Variants in ZFX observed in about 807,000 individuals in gnomAD.
ZFX encodes the protein zinc finger X-chromosomal protein.
For synonymous variants in ZFX, 196 were observed against 226.8 expected, an observed-to-expected ratio of 0.86 and a Z score of 1.22; for missense variants, 362 against 628.3, an observed-to-expected ratio of 0.58 and a Z score of 4.53.
intron 3 of ZFX, among the ~76,000 whole-genome samples, chrX:24,160,914 T>C (rs755710039): frequency 8.9e-6 from 1 of 111,754 alleles, no homozygotes; most frequent in Non-Finnish European, 1.9e-5. Flanking sequence ...GTTCTAAATA[T>C]ATTGTGATCT....
intron 5 of ZFX, among the ~76,000 whole-genome samples, chrX:24,205,671 A>G (rs1459687813): frequency 9.0e-6 from 1 of 111,309 alleles, no homozygotes; most frequent in Non-Finnish European, 1.9e-5. Context: ...CCTGACCAAC[A>G]TGGCGAAACC....
chrX:24,176,513 A>G (rs1385708466), intron 4 of ZFX, among the ~76,000 whole-genome samples: 2 of 97,044 alleles, frequency 2.1e-5, no homozygotes, highest in Non-Finnish European at 4.1e-5. Context: ...GCTCAATGCA[A>G]CCTCCGTCTC....
intron 5 of ZFX, among the ~76,000 whole-genome samples, chrX:24,192,566 A>C (rs911606772): frequency 5.4e-5 from 6 of 111,395 alleles, no homozygotes; most frequent in South Asian, 3.8e-4. Flanking sequence ...AGACGAGCAC[A>C]AGATCTTTTC....
At chrX:24,175,885 C>T (rs1254400245) in intron 4 of ZFX, among the ~76,000 whole-genome samples, 1 of 108,860 alleles carries the variant, frequency 9.2e-6, no homozygotes, top group Non-Finnish European at 1.9e-5. Flanking sequence ...GGCTGATTTA[C>T]GTTTTATAAC....
chrX:24,174,746 C>T (rs975381631), intron 4 of ZFX, among the ~76,000 whole-genome samples: 1 of 110,027 alleles, frequency 9.1e-6, no homozygotes, highest in Non-Finnish European at 1.9e-5. Flanking sequence ...CAGGGTCTCA[C>T]CCTGTTGCCT....
chrX:24,183,964 C>T (rs754115250), intron 5 of ZFX, among the ~76,000 whole-genome samples: 170 of 110,124 alleles, frequency 1.5e-3, no homozygotes, highest in African/African-American at 5.4e-3. Context: ...GCCATGTTGG[C>T]CAGGCTGATC....
chrX:24,172,463 A>G (rs1934716479), intron 3 of ZFX, among the ~76,000 whole-genome samples: 1 of 112,195 alleles, frequency 8.9e-6, no homozygotes, highest in South Asian at 3.7e-4. Context: ...GACCTAAGCA[A>G]TACATTTATT....
At chrX:24,175,727 G>T (rs1222300884) in intron 4 of ZFX, among the ~76,000 whole-genome samples, 7 of 110,995 alleles carry the variant, frequency 6.3e-5, no homozygotes, top group Admixed American at 5.8e-4. Context: ...TACTGGTGCA[G>T]ACCACCATGC....
chrX:24,183,334 G>A (rs1366063636), intron 5 of ZFX, among the ~76,000 whole-genome samples: 2 of 111,442 alleles, frequency 1.8e-5, no homozygotes, highest in African/African-American at 3.3e-5. Flanking sequence ...ACAGGCACTC[G>A]CCACCATGCC....
intron 5 of ZFX, 64 bp from the exon 6 acceptor site, chrX:24,207,262 T>TTTTTTG: frequency 9.3e-7 from 1 of 1,075,505 alleles, no homozygotes; most frequent in African/African-American, 1.9e-5. Context: ...TTTTTTTTTT[T>TTTTTTG]GCGAATAGTA....
At chrX:24,173,043 T>C (rs55766633) in intron 4 of ZFX, 7,596 of 288,663 alleles carry the variant, frequency 0.026, 101 homozygotes, top group Middle Eastern at 0.038. Context: ...TCTTCAGTTA[T>C]GAAGATAATA....
At chrX:24,180,075 T>TA (rs1176870952) in intron 5 of ZFX, among the ~76,000 whole-genome samples, 2 of 108,695 alleles carry the variant, frequency 1.8e-5, no homozygotes, top group Non-Finnish European at 3.8e-5. Flanking sequence ...CTACTAAAAA[T>TA]ACAAAAATTA....
rs752757745 is a variant in ZFX, at chrX:24,166,285, A to G, written c.-28-6430A>G. 3.3e-3 allele frequency among the ~76,000 whole-genome samples: 365 copies of G among 112,192 alleles called. 2 individuals carry two copies. Among genetic ancestry groups the G allele is most frequent in the Non-Finnish European group, 4.8e-3 (255 of 53,204 alleles). ...AACAAACAAAACCTTGAAATTACTG[A>G]TTGGCTCAGCGTGGTTTTATGGAAA... is the stretch of plus-strand genomic sequence containing the variant. On this transcript the variant is annotated intron_variant, in intron 3 of 9. Transcript: ENST00000304543.
chrX:24,160,266 A>T (rs1421996885), intron 3 of ZFX, among the ~76,000 whole-genome samples: 3 of 106,386 alleles, frequency 2.8e-5, no homozygotes, highest in African/African-American at 1.0e-4. Flanking sequence ...TCTCTAGACT[A>T]TAATTGGATG....
chrX:24,201,780 A>C (rs1937313967), intron 5 of ZFX, among the ~76,000 whole-genome samples: 1 of 112,058 alleles, frequency 8.9e-6, no homozygotes, highest in Non-Finnish European at 1.9e-5. Context: ...ATTAATATTG[A>C]CTCTTTCTCC....
At chrX:24,188,744 G>T (rs1049360102) in intron 5 of ZFX, among the ~76,000 whole-genome samples, 3 of 112,169 alleles carry the variant, frequency 2.7e-5, no homozygotes, top group Admixed American at 1.9e-4. Context: ...CAGGGCAGGC[G>T]CAAGGTAAGA....
At chrX:24,206,632 C>G (rs1937604868) in intron 5 of ZFX, among the ~76,000 whole-genome samples, 1 of 106,893 alleles carries the variant, frequency 9.4e-6, no homozygotes, top group African/African-American at 3.4e-5. Flanking sequence ...AGTGATCCAC[C>G]CACCTTGGCC....
chrX:24,170,570 A>G (rs1304758133), intron 3 of ZFX, among the ~76,000 whole-genome samples: 1 of 103,725 alleles, frequency 9.6e-6, no homozygotes, highest in Non-Finnish European at 2.0e-5. Context: ...GAGCATGTAC[A>G]CTTTCTGTTT....
At chrX:24,203,710 C>T (rs1043119976) in intron 5 of ZFX, among the ~76,000 whole-genome samples, 1 of 111,941 alleles carries the variant, frequency 8.9e-6, no homozygotes, top group Non-Finnish European at 1.9e-5. Flanking sequence ...CACATTCCAG[C>T]AATATTGAAC....
Sources: allele counts gnomAD v4.1 joint callset (sites outside exome capture counted in the v4.1 genomes callset), GRCh38; gene constraint gnomAD v4.1.1; transcripts MANE v1.5; gene names NCBI Gene and HGNC (gene_info 2026-07-23, HGNC 2026-07-21).